The following KCNJ6 variants were observed in gnomAD, a reference collection of about 807,000 sequenced individuals.
KCNJ6 encodes G protein-activated inward rectifier potassium channel 2.
A neutral mutation model predicts 34.2 loss-of-function variants in KCNJ6; 9 were observed. That is an observed-to-expected ratio of 0.26 (90% CI 0.16 to 0.46). The LOEUF is 0.46. Among genes scored for constraint, KCNJ6 ranks in the 20% least tolerant of loss-of-function variants. The pLI is 1.00. For missense variants in KCNJ6, 236 were observed against 531.3 expected (o/e 0.44, Z 5.46); for synonymous variants, 196 against 207.1 (o/e 0.95, Z 0.46).
chr21:37,778,269 C>T (rs538612817), intron 2 of KCNJ6, among the ~76,000 whole-genome samples: 4 of 152,204 alleles, frequency 2.6e-5, no homozygotes, highest in East Asian at 1.9e-4. Context: ...TTCCCCAACC[C>T]GTTGCTACTT....
At chr21:37,712,996 C>A (rs1228247892) in intron 3 of KCNJ6, among the ~76,000 whole-genome samples, 1 of 152,078 alleles carries the variant, frequency 6.6e-6, no homozygotes, top group Non-Finnish European at 1.5e-5. Context: ...TACCATTGAG[C>A]TCCATGCAAA....
intron 1 of KCNJ6, among the ~76,000 whole-genome samples, chr21:37,874,511 A>G (rs1166733346): frequency 6.6e-6 from 1 of 152,256 alleles, no homozygotes; most frequent in Non-Finnish European, 1.5e-5. Context: ...GAACTTTGAT[A>G]CTAGTCTGGA....
At chr21:37,762,634 T>A (rs2055071443) in intron 2 of KCNJ6, among the ~76,000 whole-genome samples, 1 of 152,038 alleles carries the variant, frequency 6.6e-6, no homozygotes, top group Admixed American at 6.5e-5. Context: ...GTGTGCCTCC[T>A]CTGAGGACAT....
chr21:37,869,782 C>G (rs1167285179), intron 1 of KCNJ6, among the ~76,000 whole-genome samples: 7 of 152,220 alleles, frequency 4.6e-5, no homozygotes, highest in Admixed American at 6.5e-5. Flanking sequence ...AGAGGCCAGC[C>G]TGGAAAACCT....
At chr21:37,718,553 C>A (rs560699947) in intron 2 of KCNJ6, among the ~76,000 whole-genome samples, 134 of 152,136 alleles carry the variant, frequency 8.8e-4, no homozygotes, top group Non-Finnish European at 1.8e-3. Context: ...AATGCTACTT[C>A]ATTGCCTTTA....
At chr21:37,636,409 T>C (rs1008507986) in intron 3 of KCNJ6, among the ~76,000 whole-genome samples, 1 of 152,206 alleles carries the variant, frequency 6.6e-6, no homozygotes, top group Non-Finnish European at 1.5e-5. Flanking sequence ...TGTGTAGGAG[T>C]GTGCGTGTGT....
intron 3 of KCNJ6, among the ~76,000 whole-genome samples, chr21:37,710,803 C>T (rs571780976): frequency 1.3e-5 from 2 of 152,348 alleles, no homozygotes; most frequent in Non-Finnish European, 2.9e-5. Context: ...CTTCTGTAAA[C>T]ACCACTATCT....
intron 1 of KCNJ6, among the ~76,000 whole-genome samples, chr21:37,887,652 C>A (rs1456488269): frequency 6.6e-6 from 1 of 152,070 alleles, no homozygotes; most frequent in African/African-American, 2.4e-5. Context: ...GGTCTGGGAT[C>A]CCCTCTCTGA....
intron 1 of KCNJ6, among the ~76,000 whole-genome samples, chr21:37,859,288 C>CAT (rs922189722): frequency 4.6e-5 from 7 of 150,866 alleles, no homozygotes; most frequent in East Asian, 1.9e-4. Flanking sequence ...AGAAAGCATA[C>CAT]ATATATATTT....
At chr21:37,720,113 A>G (rs530222490) in intron 2 of KCNJ6, among the ~76,000 whole-genome samples, 102 of 152,194 alleles carry the variant, frequency 6.7e-4, no homozygotes, top group Middle Eastern at 3.4e-3. Context: ...GGGGGGGTTC[A>G]TGAGTACTTT....
intron 1 of KCNJ6, among the ~76,000 whole-genome samples, chr21:37,863,851 TTTTTTTTTG>T (rs1237616042): frequency 0.027 from 1,568 of 57,214 alleles, 80 homozygotes; most frequent in African/African-American, 0.091. Flanking sequence ...TAAAGGTTTT[TTTTTTTTTG>T]TTTTTTTTTT....
At chr21:37,856,929 G>A (rs2055568173) in intron 1 of KCNJ6, among the ~76,000 whole-genome samples, 1 of 152,092 alleles carries the variant, frequency 6.6e-6, no homozygotes, top group Admixed American at 6.5e-5. Flanking sequence ...ACCAGGCCAT[G>A]CTCTGGTAGG....
intron 3 of KCNJ6, among the ~76,000 whole-genome samples, chr21:37,667,807 C>T (rs866435763): frequency 2.6e-5 from 4 of 152,140 alleles, no homozygotes; most frequent in South Asian, 2.1e-4. Flanking sequence ...CTCTGTCTCC[C>T]GGGGGACAAA....
At chr21:37,878,725 G>T (rs1430173321) in intron 1 of KCNJ6, among the ~76,000 whole-genome samples, 1 of 152,208 alleles carries the variant, frequency 6.6e-6, no homozygotes, top group Non-Finnish European at 1.5e-5. Flanking sequence ...GAATCACAAA[G>T]GGAAAAATAC....
chr21:37,664,957 G>A (rs570176845), intron 3 of KCNJ6, among the ~76,000 whole-genome samples: 4 of 151,994 alleles, frequency 2.6e-5, no homozygotes, highest in South Asian at 2.1e-4. Context: ...CACCGCGCCC[G>A]GCTAATTTTT....
rs569550705 is a variant in KCNJ6, at chr21:37,702,945, G to A, written c.946+11266C>T. Reference sequence around the variant, plus strand: ...GGTCTTTGGATCTGGCGGGATGGACGTTGTTGGTGAGTTTTGGTGGTGTGG... The same window carrying A: ...GGTCTTTGGATCTGGCGGGATGGACATTGTTGGTGAGTTTTGGTGGTGTGG... On this transcript the variant is annotated intron_variant, in intron 3 of 3. Transcript: ENST00000609713. 5.1e-4 allele frequency among the ~76,000 whole-genome samples: 77 copies of A among 152,244 alleles called. 1 individual carries two copies. Among genetic ancestry groups the A allele is most frequent in the African/African-American group, 1.7e-3 (70 of 41,556 alleles).
intron 2 of KCNJ6, among the ~76,000 whole-genome samples, chr21:37,790,786 G>A (rs945710116): frequency 4.6e-5 from 7 of 152,308 alleles, no homozygotes; most frequent in Admixed American, 2.0e-4. Flanking sequence ...AGGATTTGGA[G>A]AAAACTTTGT....
intron 1 of KCNJ6, among the ~76,000 whole-genome samples, chr21:37,842,335 A>G (rs2123579993): frequency 6.6e-6 from 1 of 152,344 alleles, no homozygotes; most frequent in East Asian, 1.9e-4. Context: ...AGTTTGGCTA[A>G]CACTTGAAAT....
At chr21:37,767,560 A>AG (rs1243652660) in intron 2 of KCNJ6, among the ~76,000 whole-genome samples, 8 of 152,188 alleles carry the variant, frequency 5.3e-5, no homozygotes, top group African/African-American at 1.9e-4. Context: ...TGAGAGTGAC[A>AG]GGGAGAGGCA....
Sources: allele counts gnomAD v4.1 joint callset (sites outside exome capture counted in the v4.1 genomes callset), GRCh38; gene constraint gnomAD v4.1.1; transcripts MANE v1.5; gene names NCBI Gene and HGNC (gene_info 2026-07-23, HGNC 2026-07-21).